Variants in B9D2 observed in about 807,000 individuals in gnomAD.
B9D2 encodes B9 domain containing 2.
A neutral mutation model predicts 19.2 loss-of-function variants in B9D2; 21 were observed. The observed-to-expected ratio is 1.09, with a 90% CI of 0.78 to 1.58. The LOEUF (loss-of-function observed/expected upper bound fraction) is 1.58. Ranked by LOEUF, B9D2 falls within the 40% of genes most tolerant of loss-of-function variation. B9D2 has a pLI of 0.00. For missense variants in B9D2, 221 were observed against 244.3 expected (o/e 0.90, Z 0.64); for synonymous variants, 91 against 100.6 (o/e 0.90, Z 0.57).
chr19:41,357,804 A>AGG (rs2038338570), intron 3 of B9D2, 93 bp downstream of exon 3: 1 of 1,557,066 alleles, frequency 6.4e-7, no homozygotes, highest in Non-Finnish European at 8.8e-7. Context: ...TATGGGGAGC[A>AGG]GGGACAGGTC....
intron 3 of B9D2, 130 bp downstream of exon 3, chr19:41,357,767 A>G (rs1447924793): frequency 7.3e-7 from 1 of 1,377,808 alleles, no homozygotes; most frequent in Non-Finnish European, 1.0e-6. Context: ...CCAGGGCCAG[A>G]CTTGGCTGCA....
chr19:41,357,933 G>T lies in B9D2; in HGVS notation c.178C>A (p.Pro60Thr). 1 of 1,614,136 alleles carries T rather than the reference G, an allele frequency of 6.2e-7. No homozygotes were observed. The highest frequency in any genetic ancestry group is 1.3e-5 in the African/African-American group (1 of 75,042). ...TTGGTGGCGAAGTGCAGGTCGATGG[G>T]GTGGGACCAGTAAGCCATGTCCCCT... ...QIGDMAYWSH[P>T]IDLHFATKGL... Residue 60 changes from proline to threonine, a missense_variant, in exon 3 of 4, where the codon CCC becomes ACC. Transcript: ENST00000243578.
chr19:41,357,253 G>C (rs888355473), intron 3 of B9D2, among the ~76,000 whole-genome samples: 1 of 152,146 alleles, frequency 6.6e-6, no homozygotes, highest in African/African-American at 2.4e-5. Context: ...TCTGGAGAGA[G>C]GTGTGTCCCC....
intron 2 of B9D2, among the ~76,000 whole-genome samples, chr19:41,360,514 T>A (rs1245683255): frequency 2.6e-5 from 4 of 151,018 alleles, no homozygotes; most frequent in Admixed American, 1.3e-4. Flanking sequence ...ATTTTATTTA[T>A]TTTTTTTTGA....
At chr19:41,357,807 G>C in intron 3 of B9D2, 90 bp downstream of exon 3, 1 of 1,563,896 alleles carries the variant, frequency 6.4e-7, no homozygotes, top group South Asian at 1.1e-5. Flanking sequence ...GGGGAGCAGG[G>C]ACAGGTCTTG....
chr19:41,355,015 T>C lies in B9D2; in HGVS notation c.215-2A>G. On this transcript the variant is annotated splice_acceptor_variant, in intron 3 of 3. Transcript: ENST00000243578. LOFTEE classifies it high-confidence loss of function. ...CCTGGAAATGGAGCCGGGGCCAGCC[T>C]GCAGGAAAGGAGAGAGAGGGGAAAG... 1.3e-6 allele frequency: 2 copies of C among 1,587,334 alleles called. No individual in the cohort carries two copies. The highest frequency in any genetic ancestry group is 1.7e-6 in the Non-Finnish European group (2 of 1,164,756).
intron 2 of B9D2, among the ~76,000 whole-genome samples, chr19:41,361,817 C>G (rs1252844952): frequency 1.6e-5 from 1 of 63,374 alleles, no homozygotes; most frequent in African/African-American, 6.7e-5. Flanking sequence ...CAGTGGCTCA[C>G]GCCTGTAATC....
chr19:41,357,890 T>C lies in B9D2; in HGVS notation c.214+7A>G. 7.4e-6 allele frequency: 12 copies of C among 1,614,008 alleles called. No homozygotes were observed. The highest frequency in any genetic ancestry group is 1.1e-5 in the South Asian group (1 of 91,076). Reference sequence around the variant, plus strand: ...AGCCTGGACCCGGGTCCAGGTGTGATACCCACCTTGAAGACCTTTGGTGGC... The same window carrying C: ...AGCCTGGACCCGGGTCCAGGTGTGACACCCACCTTGAAGACCTTTGGTGGC... On this transcript the variant is annotated splice_region_variant and intron_variant, in intron 3 of 3. Coordinates refer to ENST00000243578, the MANE Select transcript of B9D2 (RefSeq NM_030578.4).
Position 41,357,953 on chromosome 19 carries a change from T to TC in B9D2, c.157dup (p.Asp53GlyfsTer50), listed in dbSNP as rs751082879. ...GATGGGGTGGGACCAGTAAGCCATG[T>TC]CCCCTATCTGCGGGGTGTCCACTTG... On this transcript the variant is annotated frameshift_variant, in exon 3 of 4. Transcript: ENST00000243578. LOFTEE classifies it high-confidence loss of function. 3.1e-6 allele frequency: 5 copies of TC among 1,613,868 alleles called. No individual in the cohort carries two copies. In the African/African-American group the frequency reaches 5.3e-5, roughly 17 times the overall value.
chr19:41,363,610 A>G, intron 1 of B9D2, 87 bp from the exon 2 acceptor site: 1 of 1,219,306 alleles, frequency 8.2e-7, no homozygotes, highest in Non-Finnish European at 1.2e-6. Flanking sequence ...CCAGCAAGTA[A>G]AGGGTAGTAC....
At chr19:41,363,568 T>C in intron 1 of B9D2, 45 bp from the exon 2 acceptor site, 1 of 1,504,200 alleles carries the variant, frequency 6.6e-7, no homozygotes, top group Non-Finnish European at 9.0e-7. Context: ...GGTAAGTGTA[T>C]TATCTCCATT....
rs768271684 is a variant in B9D2, at chr19:41,354,810, T to C, written c.418A>G (p.Ile140Val). The change falls in exon 4 of 4, where the codon ATC becomes GTC. Residue 140 changes from isoleucine to valine, a missense_variant. Physicochemically the swap from Ile to Val is conservative, Grantham distance 29. Coordinates refer to ENST00000243578, the MANE Select transcript of B9D2 (RefSeq NM_030578.4). ...GGPQLLHGDT[I>V]YSGADRYRLH... ...CGATAGCGGTCGGCCCCACTGTAGA[T>C]GGTGTCCCCATGCAGCAGCTGCGGC... The C allele has an allele frequency of 4.3e-5, 69 of 1,614,052 alleles. No individual in the cohort carries two copies. The highest frequency in any genetic ancestry group is 5.7e-5 in the Non-Finnish European group (67 of 1,180,020).
At chr19:41,363,779 T>C (rs1226943677) in intron 1 of B9D2, among the ~76,000 whole-genome samples, 179 bp downstream of exon 1, 1 of 152,210 alleles carries the variant, frequency 6.6e-6, no homozygotes. Flanking sequence ...CGGGTTCAGG[T>C]CGGCGGAAAG....
At chr19:41,361,259 A>G (rs1209885086) in intron 2 of B9D2, 1 of 152,218 alleles carries the variant, frequency 6.6e-6, no homozygotes, top group East Asian at 1.9e-4. Flanking sequence ...AGTTGAGGGA[A>G]GCACCAGGCC....
intron 2 of B9D2, among the ~76,000 whole-genome samples, chr19:41,359,066 A>G (rs11670143): frequency 0.59 from 89,719 of 151,922 alleles, 26,876 homozygotes; most frequent in Non-Finnish European, 0.61. Context: ...AATCGCTGGA[A>G]AAGCTGCAGT....
chr19:41,358,358 G>C (rs1297843378), intron 2 of B9D2, among the ~76,000 whole-genome samples: 1 of 151,962 alleles, frequency 6.6e-6, no homozygotes, highest in Non-Finnish European at 1.5e-5. Context: ...ACAGTTATAG[G>C]AGACTGACCA....
intron 3 of B9D2, among the ~76,000 whole-genome samples, chr19:41,355,643 A>G (rs2038301565): frequency 6.6e-6 from 1 of 152,194 alleles, no homozygotes; most frequent in Non-Finnish European, 1.5e-5. Flanking sequence ...CTCCTGTGCT[A>G]GACTCTGTTC....
chr19:41,354,668 G>A lies in B9D2; in HGVS notation c.*32C>T, dbSNP rs773472224. On this transcript the variant is annotated 3_prime_UTR_variant, in exon 4 of 4. Coordinates refer to ENST00000243578, the MANE Select transcript of B9D2 (RefSeq NM_030578.4). Reference sequence around the variant, plus strand: ...TCCCCCATCACTGGGTGTCCGGGGTGTGGATGGTGGTGACGTTGGAGGCAG... The same window carrying A: ...TCCCCCATCACTGGGTGTCCGGGGTATGGATGGTGGTGACGTTGGAGGCAG... 3 of 1,613,422 alleles carry A rather than the reference G, an allele frequency of 1.9e-6. No individual in the cohort carries two copies. Among genetic ancestry groups the A allele is most frequent in the East Asian group, 2.2e-5 (1 of 44,878 alleles).
At chr19:41,358,934 CA>C (rs890909715) in intron 2 of B9D2, among the ~76,000 whole-genome samples, 17 of 151,976 alleles carry the variant, frequency 1.1e-4, no homozygotes. Context: ...CATCTAAGGT[CA>C]GGAGTTCAAG....
Sources: gnomAD v4.1 joint callset for allele counts (sites outside exome capture counted in the v4.1 genomes callset) on GRCh38, gnomAD v4.1.1 for gene constraint, MANE v1.5 for transcripts, NCBI Gene and HGNC (gene_info 2026-07-23, HGNC 2026-07-21) for gene names.